The following COBL variants were observed in gnomAD, a reference collection of about 807,000 sequenced individuals.
The protein encoded by COBL is cordon-bleu WH2 repeat protein, also known as protein cordon-bleu.
A neutral mutation model predicts 98.8 loss-of-function variants in COBL; 51 were observed. The observed-to-expected ratio is 0.52, with a 90% CI of 0.41 to 0.65. The LOEUF (loss-of-function observed/expected upper bound fraction) is 0.65. COBL is among the 30% of genes least tolerant of loss of function. COBL has a pLI of 0.00. For synonymous variants in COBL, 634 were observed against 651.7 expected (o/e 0.97, Z 0.41); for missense variants, 1,617 against 1,617.5 (o/e 1.00, Z 0.01).
Position 51,219,782 on chromosome 7 carries a change from G to A in COBL, c.204C>T (p.Val68=). The change falls in exon 2 of 13, where the codon GTC becomes GTT. Residue 68 remains valine, a synonymous_variant. Transcript: ENST00000265136. ...TCCTCTTCTCCAGCCCACTAGGCAG[G>A]ACCACGGTGACGTCCATGGTGCTGG... The part of the protein sequence containing the change: ...LRASTMDVTV[V]LPSGLEKRSV... 1.9e-6 allele frequency: 3 copies of A among 1,614,130 alleles called. No individual in the cohort carries two copies. Among genetic ancestry groups the A allele is most frequent in the Non-Finnish European group, 2.5e-6 (3 of 1,180,034 alleles).
intron 1 of COBL, among the ~76,000 whole-genome samples, chr7:51,314,282 T>C (rs1803326263): frequency 1.3e-5 from 2 of 152,302 alleles, no homozygotes; most frequent in Middle Eastern, 3.4e-3. Flanking sequence ...CTTCACCACA[T>C]CAGTTTGTTA....
intron 7 of COBL, among the ~76,000 whole-genome samples, chr7:51,048,197 T>C (rs1322996984): frequency 1.3e-5 from 2 of 152,138 alleles, no homozygotes; most frequent in Non-Finnish European, 2.9e-5. Flanking sequence ...TAGAAATAAT[T>C]TTTTGGCATA....
At chr7:51,309,040 C>A (rs1802758085) in intron 1 of COBL, among the ~76,000 whole-genome samples, 1 of 152,156 alleles carries the variant, frequency 6.6e-6, no homozygotes, top group Admixed American at 6.5e-5. Context: ...GCACCCCTTC[C>A]CAAGACCCTG....
chr7:51,156,615 C>G, intron 5 of COBL: 1 of 982,414 alleles, frequency 1.0e-6, no homozygotes, highest in Non-Finnish European at 1.2e-6. Context: ...CATGGAGGGT[C>G]AAATATTGAG....
At chr7:51,203,453 C>A in intron 2 of COBL, among the ~76,000 whole-genome samples, 1 of 114,202 alleles carries the variant, frequency 8.8e-6, no homozygotes, top group African/African-American at 3.7e-5. Context: ...CAGAGCGAGA[C>A]TCCGTCTCAA....
intron 1 of COBL, among the ~76,000 whole-genome samples, chr7:51,230,119 A>G (rs1355646599): frequency 6.6e-6 from 1 of 152,084 alleles, no homozygotes; most frequent in Non-Finnish European, 1.5e-5. Flanking sequence ...CAGCCCTGAG[A>G]AGCAAGGAGT....
At chr7:51,098,854 A>G (rs913837043) in intron 6 of COBL, among the ~76,000 whole-genome samples, 3 of 152,196 alleles carry the variant, frequency 2.0e-5, no homozygotes, top group Admixed American at 2.0e-4. Context: ...TCTATAAACC[A>G]TATGTCTGAA....
chr7:51,052,431 T>G (rs997327860), intron 7 of COBL, among the ~76,000 whole-genome samples: 1 of 152,226 alleles, frequency 6.6e-6, no homozygotes, highest in Non-Finnish European at 1.5e-5. Flanking sequence ...TCCATTTATC[T>G]GGGAATCTCA....
At position 51,017,495 on chromosome 7, in the gene COBL, T is replaced by TGACGCCTGTGGGCATATTACAGGTG; in HGVS notation, c.*31_*55dup. 6.3e-7 allele frequency: 1 copy of TGACGCCTGTGGGCATATTACAGGTG among 1,587,406 alleles called. No homozygotes were observed. Among genetic ancestry groups the TGACGCCTGTGGGCATATTACAGGTG allele is most frequent in the East Asian group, 2.2e-5 (1 of 44,742 alleles). ...TTCCTGGCTATGCAGACTCCTTGAG[T>TGACGCCTGTGGGCATATTACAGGTG]GACGCCTGTGGGCATATTACAGGTG... On this transcript the variant is annotated 3_prime_UTR_variant, in exon 13 of 13. Coordinates refer to ENST00000265136, the MANE Select transcript of COBL (RefSeq NM_015198.5).
At chr7:51,111,335 T>A (rs1463188545) in intron 6 of COBL, among the ~76,000 whole-genome samples, 2 of 152,188 alleles carry the variant, frequency 1.3e-5, no homozygotes, top group Non-Finnish European at 2.9e-5. Flanking sequence ...CAGCATTTGC[T>A]TTTTCTCTCT....
intron 1 of COBL, among the ~76,000 whole-genome samples, chr7:51,237,535 T>TC (rs1795375113): frequency 9.9e-6 from 1 of 101,250 alleles, no homozygotes; most frequent in African/African-American, 4.3e-5. Flanking sequence ...CCTTTTTTTT[T>TC]CTTAAAAAAA....
rs1786351146 is a variant in COBL, at chr7:51,157,890, T to C, written c.784-21559A>G. Among the ~76,000 whole-genome samples the C allele has an allele frequency of 1.3e-5, 2 of 152,352 alleles. 1 individual carries two copies. Among genetic ancestry groups the C allele is most frequent in the South Asian group, 4.1e-4 (2 of 4,824 alleles). ...ACAATGCACTGATATATAATTTTTA[T>C]TTGTCAATTGAAATAAACAAAATAC... On this transcript the variant is annotated intron_variant, in intron 5 of 12. Transcript: ENST00000265136.
intron 2 of COBL, among the ~76,000 whole-genome samples, chr7:51,198,368 G>A (rs567286919): frequency 6.6e-6 from 1 of 152,274 alleles, no homozygotes; most frequent in Admixed American, 6.5e-5. Context: ...TTTCTGCTAA[G>A]AGGTCCATTT....
In COBL at chr7:51,316,628, G is replaced by T; in HGVS notation, c.6C>A (p.Asp2Glu). 1.7e-6 allele frequency: 2 copies of T among 1,200,970 alleles called. No homozygotes were observed. Among genetic ancestry groups the T allele is most frequent in the Non-Finnish European group, 2.1e-6 (2 of 968,122 alleles). The allele number at this position is 1,200,970 out of a possible 1,614,324, so 74.4% of individuals were successfully genotyped here. M[D>E]APRASAAKPP... is the part of the protein sequence containing the mutation. ...GCTTGGCCGCCGAGGCGCGCGGCGC[G>T]TCCATGGTGCCGGGGGCCGGGACGC... is the stretch of plus-strand genomic sequence containing the variant. The change falls in exon 1 of 13, where the codon GAC (aspartate) becomes GAA (glutamate). Residue 2 changes from aspartate to glutamate, a missense_variant. Around this residue, in one of 3 missense-constraint regions of COBL, gnomAD observed 238 missense variants for 215.0 expected, o/e 1.11. Coordinates refer to ENST00000265136, the MANE Select transcript of COBL (RefSeq NM_015198.5).
At chr7:51,075,931 T>A (rs1793031249) in intron 7 of COBL, among the ~76,000 whole-genome samples, 1 of 152,146 alleles carries the variant, frequency 6.6e-6, no homozygotes, top group South Asian at 2.1e-4. Flanking sequence ...TACTTTTGAG[T>A]AGGGACAGAT....
chr7:51,304,630 T>C (rs920494175), intron 1 of COBL, among the ~76,000 whole-genome samples: 4 of 152,186 alleles, frequency 2.6e-5, no homozygotes, highest in African/African-American at 9.7e-5. Context: ...TAAAAACAGG[T>C]GTCAGGACAG....
chr7:51,049,952 G>A (rs1029852643), intron 7 of COBL, among the ~76,000 whole-genome samples: 2 of 152,184 alleles, frequency 1.3e-5, no homozygotes, highest in Non-Finnish European at 2.9e-5. Flanking sequence ...CCTAGGCACA[G>A]TTTCCTCCAA....
intron 1 of COBL, among the ~76,000 whole-genome samples, chr7:51,258,130 A>G (rs1458569795): frequency 1.3e-5 from 2 of 152,272 alleles, no homozygotes; most frequent in Non-Finnish European, 2.9e-5. Context: ...AGACAGTTAT[A>G]ACTGACTACC....
At chr7:51,039,517 A>G (rs1488417808) in intron 8 of COBL, among the ~76,000 whole-genome samples, 1 of 152,088 alleles carries the variant, frequency 6.6e-6, no homozygotes, top group Non-Finnish European at 1.5e-5. Context: ...GACAGGGTTC[A>G]CTCCAGATGT....
Sources: allele counts gnomAD v4.1 joint callset (sites outside exome capture counted in the v4.1 genomes callset), GRCh38; gene constraint gnomAD v4.1.1; regional missense constraint gnomAD v4.1.1; transcripts MANE v1.5; gene names NCBI Gene and HGNC (gene_info 2026-07-23, HGNC 2026-07-21).